MIB1: variants seen among roughly 807,000 people sequenced by gnomAD.
MIB1 encodes E3 ubiquitin-protein ligase MIB1.
A neutral mutation model predicts 124.5 loss-of-function variants in MIB1; 278 were observed. That is an observed-to-expected ratio of 2.23 (90% confidence interval 2.02 to 2.47). The LOEUF is 2.47. Ranked by LOEUF, MIB1 falls within the 30% of genes most tolerant of loss-of-function variation. MIB1 has a pLI of 0.00. For missense variants in MIB1, 957 were observed against 1,254.4 expected (o/e 0.76, Z 3.58); for synonymous variants, 446 against 429.4 (o/e 1.04, Z -0.48).
At chr18:21,716,769 G>A (rs548667965) in intron 1 of MIB1, among the ~76,000 whole-genome samples, 5 of 152,144 alleles carry the variant, frequency 3.3e-5, no homozygotes, top group Non-Finnish European at 7.3e-5. Context: ...GGAGAATGGC[G>A]TGAAGCCGGG....
intron 1 of MIB1, among the ~76,000 whole-genome samples, chr18:21,764,205 C>T (rs999822488): frequency 6.6e-6 from 1 of 152,070 alleles, no homozygotes; most frequent in Non-Finnish European, 1.5e-5. Flanking sequence ...CACTAGGTAT[C>T]CCAGTTCTTT....
In MIB1 at chr18:21,803,992, A is replaced by G; in HGVS notation, c.1457A>G (p.Gln486Arg). 1 of 1,613,476 alleles carries G rather than the reference A, an allele frequency of 6.2e-7. No individual in the cohort carries two copies. Among genetic ancestry groups the G allele is most frequent in the Middle Eastern group, 1.7e-4 (1 of 5,930 alleles). ...GACATTTTGAAGTTACTTTTGAAGC[A>G]AAACGTGGATGTCGAAGCAGAGGTA... is the stretch of plus-strand genomic sequence containing the variant. ...HVDILKLLLK[Q>R]NVDVEAEDKD... Residue 486 changes from glutamine to arginine, a missense_variant, in exon 10 of 21, where the codon CAA (glutamine) becomes CGA (arginine). Coordinates refer to ENST00000261537, the MANE Select transcript of MIB1 (RefSeq NM_020774.4).
chr18:21,725,945 T>G (rs2040739914), intron 1 of MIB1, among the ~76,000 whole-genome samples: 1 of 152,252 alleles, frequency 6.6e-6, no homozygotes, highest in Admixed American at 6.5e-5. Context: ...GAAATATTTT[T>G]GGCCACCTCA....
chr18:21,741,644 G>A lies in MIB1; in HGVS notation c.61G>A (p.Gly21Ser). The A allele has an allele frequency of 1.9e-6, 3 of 1,609,776 alleles. No individual in the cohort carries two copies. ...AGGGGTTGGCGCTCGGGTAGTGCGC[G>A]GCCCGGACTGGAAGTGGGGGAAGCA... ...VEGVGARVVR[G>S]PDWKWGKQDG... Residue 21 changes from glycine to serine, a missense_variant, in exon 1 of 21, where the codon GGC becomes AGC. Physicochemically the swap from Gly to Ser is moderately conservative, Grantham distance 56 (BLOSUM62 0). Transcript: ENST00000261537. The surrounding 1 kb of genome is among the most constrained non-coding windows in gnomAD (Gnocchi z 5.4).
intron 10 of MIB1, among the ~76,000 whole-genome samples, chr18:21,804,975 G>A (rs888344062): frequency 3.9e-5 from 6 of 151,932 alleles, no homozygotes; most frequent in African/African-American, 1.2e-4. Context: ...TATAATGTTG[G>A]AATTTTCTGC....
intron 12 of MIB1, among the ~76,000 whole-genome samples, chr18:21,831,870 C>T (rs2041987062): frequency 6.6e-6 from 1 of 152,142 alleles, no homozygotes; most frequent in Non-Finnish European, 1.5e-5. Context: ...AGTGAAGTCC[C>T]TCTGCTGCCA....
intron 20 of MIB1, among the ~76,000 whole-genome samples, chr18:21,863,088 C>T (rs939450087): frequency 6.6e-6 from 1 of 152,192 alleles, no homozygotes; most frequent in Non-Finnish European, 1.5e-5. Flanking sequence ...CAGAGGTGCG[C>T]TGCTTACTTG....
At chr18:21,787,647 T>C (rs2041451695) in intron 6 of MIB1, among the ~76,000 whole-genome samples, 3 of 152,118 alleles carry the variant, frequency 2.0e-5, no homozygotes, top group Admixed American at 2.0e-4. Context: ...ATACAGAAAT[T>C]CGTTTCTTTT....
At chr18:21,785,522 C>T (rs1007961360) in intron 6 of MIB1, among the ~76,000 whole-genome samples, 14 of 152,168 alleles carry the variant, frequency 9.2e-5, no homozygotes, top group African/African-American at 3.1e-4. Context: ...TTTTTAACTC[C>T]TCCACATTGT....
Position 21,857,125 on chromosome 18 carries a change from T to G in MIB1, c.2666-5T>G. On this transcript the variant is annotated splice_region_variant and splice_polypyrimidine_tract_variant and intron_variant, in intron 18 of 20. Coordinates refer to ENST00000261537, the MANE Select transcript of MIB1 (RefSeq NM_020774.4). ...GTAAGAAGTGTCTGTGTTACCGTTT[T>G]CCAGACTGTGCTAACCTGATGAAAA... 6.2e-7 allele frequency: 1 copy of G among 1,608,118 alleles called. No homozygotes were observed.
At chr18:21,789,199 G>C (rs2041473049) in intron 6 of MIB1, among the ~76,000 whole-genome samples, 1 of 151,972 alleles carries the variant, frequency 6.6e-6, no homozygotes, top group Non-Finnish European at 1.5e-5. Flanking sequence ...CCCAGCTTCT[G>C]GTGGTTCCCA....
In MIB1 at chr18:21,788,266, G is replaced by A. The variant is rs532694582; in HGVS notation, c.909-3108G>A. 1.0e-3 allele frequency among the ~76,000 whole-genome samples: 158 copies of A among 152,162 alleles called. 1 individual carries two copies. The highest frequency in any genetic ancestry group is 3.5e-3 in the African/African-American group (147 of 41,528). ...GTACATAAAGAAACTAATTCCCTGA[G>A]GTTCTTTGGGGAAGTGATATTATAT... On this transcript the variant is annotated intron_variant, in intron 6 of 20. Coordinates refer to ENST00000261537, the MANE Select transcript of MIB1 (RefSeq NM_020774.4).
intron 11 of MIB1, among the ~76,000 whole-genome samples, chr18:21,817,154 CTTTTTTTTTT>C (rs1040673828): frequency 3.2e-4 from 24 of 75,000 alleles, no homozygotes; most frequent in South Asian, 1.1e-3. Flanking sequence ...GTTAGGAATT[CTTTTTTTTTT>C]TTTTTTTTTT....
intron 1 of MIB1, among the ~76,000 whole-genome samples, chr18:21,761,944 A>G (rs1344470455): frequency 1.3e-5 from 1 of 79,290 alleles, no homozygotes; most frequent in Non-Finnish European, 2.6e-5. Context: ...CAATCTGGAA[A>G]CCCCCACCAA....
At position 21,844,963 on chromosome 18, in the gene MIB1, A is replaced by G. The variant is rs1042648769; in HGVS notation, c.2211+710A>G. On this transcript the variant is annotated intron_variant, in intron 15 of 20. Transcript: ENST00000261537. Reference sequence around the variant, plus strand: ...TATGTAATCGGAATACAAGTTCTTTATATGTGAATGCACATATTTTCTCCC... The same window carrying G: ...TATGTAATCGGAATACAAGTTCTTTGTATGTGAATGCACATATTTTCTCCC... Among the ~76,000 whole-genome samples, 4 of 150,522 alleles carry G rather than the reference A, an allele frequency of 2.7e-5. 1 individual carries two copies. The highest frequency in any genetic ancestry group is 4.9e-5 in the African/African-American group (2 of 41,076).
chr18:21,739,333 T>C (rs2040815662), upstream of MIB1, among the ~76,000 whole-genome samples: 1 of 152,126 alleles, frequency 6.6e-6, no homozygotes, highest in Non-Finnish European at 1.5e-5. Context: ...ACCAGACAGA[T>C]TCACAGCCGA....
At chr18:21,794,589 A>G (rs71358442) in intron 7 of MIB1, among the ~76,000 whole-genome samples, 108 of 152,240 alleles carry the variant, frequency 7.1e-4, no homozygotes, top group Admixed American at 1.2e-3. Context: ...TTGAAACTAA[A>G]TTTTGAAGGG....
chr18:21,790,527 G>GA (rs533747907), intron 6 of MIB1, among the ~76,000 whole-genome samples: 22 of 151,818 alleles, frequency 1.4e-4, no homozygotes, highest in Non-Finnish European at 2.1e-4. Flanking sequence ...TGCATTCTTT[G>GA]AAAAAAAAGT....
At chr18:21,848,316 C>T (rs1329066066) in intron 16 of MIB1, among the ~76,000 whole-genome samples, 2 of 151,906 alleles carry the variant, frequency 1.3e-5, no homozygotes, top group Admixed American at 6.6e-5. Flanking sequence ...ACTAGCTGGG[C>T]GCATGCCTAT....
Sources: gnomAD v4.1 joint callset for allele counts (sites outside exome capture counted in the v4.1 genomes callset) on GRCh38, gnomAD v4.1.1 for gene constraint, Gnocchi (gnomAD v3.1) non-coding constraint, MANE v1.5 for transcripts, NCBI Gene and HGNC (gene_info 2026-07-23, HGNC 2026-07-21) for gene names.